Variants in ABLIM1 observed in about 807,000 individuals in gnomAD.
ABLIM1 encodes actin binding LIM protein 1.
In ABLIM1, 40 loss-of-function variants were observed where a neutral mutation model predicts 107.0. The observed-to-expected ratio is 0.37, with a 90% CI of 0.29 to 0.49. The LOEUF (loss-of-function observed/expected upper bound fraction) is 0.49. Ranked by LOEUF, ABLIM1 falls within the 20% of genes least tolerant of loss-of-function variation. The pLI is 0.97. For synonymous variants in ABLIM1, 357 were observed against 357.3 expected (o/e 1.00, Z 0.01); for missense variants, 857 against 1,008.5 (o/e 0.85, Z 2.04).
intron 7 of ABLIM1, among the ~76,000 whole-genome samples, chr10:114,488,430 T>G (rs1213928066): frequency 6.6e-6 from 1 of 152,222 alleles, no homozygotes; most frequent in Admixed American, 6.5e-5. Flanking sequence ...AGCAGTTTAG[T>G]TGACGGGAAT....
chr10:114,794,574 TGAG>T, the ABLIM1 span, among the ~76,000 whole-genome samples: 1 of 152,200 alleles, frequency 6.6e-6, no homozygotes, highest in Non-Finnish European at 1.5e-5. Context: ...CATCAGTAAT[TGAG>T]GATACATATT....
chr10:114,657,634 T>C lies in ABLIM1; in HGVS notation c.244+323A>G, dbSNP rs143477100. Among the ~76,000 whole-genome samples, 117 of 152,354 alleles carry C rather than the reference T, an allele frequency of 7.7e-4. 2 individuals carry two copies. The East Asian group carries it at 0.019, about 24-fold the overall frequency. On this transcript the variant is annotated intron_variant, in intron 1 of 22. Coordinates refer to ENST00000533213, the MANE Select transcript of ABLIM1 (RefSeq NM_002313.7). ...TCCTTTCCATTCATCCTTTGTCATATGAAATAATAACATCTACAGATAGAG... is the reference window on the plus strand; with the variant it reads ...TCCTTTCCATTCATCCTTTGTCATACGAAATAATAACATCTACAGATAGAG...
chr10:114,647,054 G>A (rs1018068664), intron 1 of ABLIM1, among the ~76,000 whole-genome samples: 1 of 152,094 alleles, frequency 6.6e-6, no homozygotes, highest in African/African-American at 2.4e-5. Context: ...GGAGTGCAGT[G>A]GCACGATCTT....
chr10:114,703,124 C>T lies in ABLIM1; in HGVS notation c.-213+64937G>A, dbSNP rs139012982. On this transcript the variant is annotated intron_variant, in intron 1 of 15. Transcript: ENST00000651092. The stretch of plus-strand genomic sequence containing the variant: ...ACTTAATAGTTTTGATACATGGAAT[C>T]GCCTTTGTAAAATACTCTGAGTTTT... Among the ~76,000 whole-genome samples the T allele has an allele frequency of 1.2e-3, 183 of 152,250 alleles. 1 individual carries two copies. In the Middle Eastern group the frequency reaches 0.017, roughly 14 times the overall value.
chr10:114,483,665 T>C (rs1011524272), intron 8 of ABLIM1, among the ~76,000 whole-genome samples: 2 of 152,168 alleles, frequency 1.3e-5, no homozygotes, highest in African/African-American at 4.8e-5. Context: ...CTTCTGTCTT[T>C]TCCATCGTGC....
chr10:114,682,879 C>T (rs192829766), intron 1 of ABLIM1, among the ~76,000 whole-genome samples: 170 of 152,310 alleles, frequency 1.1e-3, no homozygotes, highest in African/African-American at 3.8e-3. Flanking sequence ...TCTTCCAAAA[C>T]CTGCCCTATC....
intron 1 of ABLIM1, among the ~76,000 whole-genome samples, chr10:114,741,559 A>G (rs1248311310): frequency 6.6e-6 from 1 of 152,116 alleles, no homozygotes; most frequent in African/African-American, 2.4e-5. Flanking sequence ...GAAGGTAATG[A>G]AAGAGCACTA....
intron 10 of ABLIM1, among the ~76,000 whole-genome samples, chr10:114,469,787 TC>T (rs1167932060): frequency 6.6e-6 from 1 of 152,212 alleles, no homozygotes; most frequent in Non-Finnish European, 1.5e-5. Context: ...TCAAGTATTT[TC>T]CAGATGAATA....
chr10:114,474,384 C>CTTTTTTTT (rs71007472), intron 8 of ABLIM1, among the ~76,000 whole-genome samples: 2 of 135,948 alleles, frequency 1.5e-5, no homozygotes, highest in African/African-American at 5.7e-5. Flanking sequence ...ATAGAGAGAC[C>CTTTTTTTT]TTTTTTTTTT....
intron 1 of ABLIM1, among the ~76,000 whole-genome samples, chr10:114,755,444 A>G (rs1566307462): frequency 6.6e-6 from 1 of 152,194 alleles, no homozygotes; most frequent in African/African-American, 2.4e-5. Context: ...TCAGATACCA[A>G]GTGGAGGTCC....
At chr10:114,780,207 C>T in the ABLIM1 span, among the ~76,000 whole-genome samples, 1 of 152,060 alleles carries the variant, frequency 6.6e-6, no homozygotes, top group Admixed American at 6.6e-5. Flanking sequence ...TAAACAGTGT[C>T]CTTGAGAGCA....
intron 1 of ABLIM1, among the ~76,000 whole-genome samples, chr10:114,643,781 G>A (rs188398945): frequency 6.6e-6 from 1 of 151,832 alleles, no homozygotes. Context: ...TCACTACATT[G>A]CCCAGGCTAG....
chr10:114,652,141 C>T (rs1009199551), intron 1 of ABLIM1, among the ~76,000 whole-genome samples: 1 of 152,172 alleles, frequency 6.6e-6, no homozygotes, highest in Non-Finnish European at 1.5e-5. Context: ...AGAATTAAAA[C>T]CTTTTCCCTG....
At chr10:114,647,338 T>C (rs1465773825) in intron 1 of ABLIM1, among the ~76,000 whole-genome samples, 2 of 145,556 alleles carry the variant, frequency 1.4e-5, no homozygotes, top group Non-Finnish European at 3.0e-5. Context: ...ATAATGCCAC[T>C]GGCTACCAAG....
At chr10:114,570,830 A>G (rs969688032) in intron 4 of ABLIM1, among the ~76,000 whole-genome samples, 1 of 151,736 alleles carries the variant, frequency 6.6e-6, no homozygotes, top group Non-Finnish European at 1.5e-5. Flanking sequence ...GCTGTTTTTA[A>G]ATGAGGCTCA....
intron 1 of ABLIM1, chr10:114,632,243 T>C (rs953026741): frequency 3.0e-6 from 3 of 985,216 alleles, no homozygotes; most frequent in Non-Finnish European, 3.6e-6. Context: ...ACTGTCCTAA[T>C]CTCTGGTCAC....
rs141492519 is a variant in ABLIM1 at position 114,628,407 on chromosome 10, C to T, written c.245-26446G>A. ...ACAAGACAGAATCACGAAGAATTAT[C>T]TCTCAAAATATCAGTAATGCTGAGG... is the stretch of plus-strand genomic sequence containing the variant. On this transcript the variant is annotated intron_variant, in intron 1 of 22. Transcript: ENST00000533213. 8.9e-4 allele frequency among the ~76,000 whole-genome samples: 135 copies of T among 152,356 alleles called. No homozygotes were observed. In the East Asian group the frequency reaches 0.019, roughly 22 times the overall value.
chr10:114,545,490 T>G (rs566635632), intron 5 of ABLIM1, among the ~76,000 whole-genome samples: 1 of 152,264 alleles, frequency 6.6e-6, no homozygotes, highest in Admixed American at 6.5e-5. Flanking sequence ...AAGAATGGTG[T>G]TAATGAACCT....
chr10:114,740,435 G>A (rs2082263859), intron 1 of ABLIM1, among the ~76,000 whole-genome samples: 1 of 151,714 alleles, frequency 6.6e-6, no homozygotes, highest in South Asian at 2.1e-4. Flanking sequence ...ACTGTGTAGG[G>A]GACTTCCACC....
Sources: allele counts gnomAD v4.1 joint callset (sites outside exome capture counted in the v4.1 genomes callset), GRCh38; gene constraint gnomAD v4.1.1; transcripts MANE v1.5; gene names NCBI Gene and HGNC (gene_info 2026-07-23, HGNC 2026-07-21).